The following SCN10A variants were observed in gnomAD, a reference collection of about 807,000 sequenced individuals.
SCN10A encodes sodium voltage-gated channel alpha subunit 10.
A neutral mutation model predicts 170.7 loss-of-function variants in SCN10A; 162 were observed. That is an observed-to-expected ratio of 0.95 (90% CI 0.84 to 1.08). SCN10A has a LOEUF of 1.08. Ranked by LOEUF, SCN10A falls within the 50% of genes least tolerant of loss-of-function variation. The pLI is 0.00. For missense variants in SCN10A, 2,527 were observed against 2,436.9 expected (o/e 1.04, Z -0.78); for synonymous variants, 985 against 904.6 (o/e 1.09, Z -1.59).
At chr3:38,713,687 G>C (rs2063299454) in intron 22 of SCN10A, among the ~76,000 whole-genome samples, 1 of 152,120 alleles carries the variant, frequency 6.6e-6, no homozygotes, top group Admixed American at 6.6e-5. Context: ...CTGCAGACCA[G>C]AGAAGTTTTT....
At chr3:38,706,576 C>A (rs531352324) in intron 26 of SCN10A, among the ~76,000 whole-genome samples, 1 of 152,162 alleles carries the variant, frequency 6.6e-6, no homozygotes, top group South Asian at 2.1e-4. Flanking sequence ...AAAGTGCTAT[C>A]TTAGGGCCTC....
At chr3:38,781,912 A>G (rs1352140540) in intron 4 of SCN10A, among the ~76,000 whole-genome samples, 2 of 152,120 alleles carry the variant, frequency 1.3e-5, no homozygotes, top group African/African-American at 2.4e-5. Context: ...AGATTACTAA[A>G]GAGTTTGTAT....
At chr3:38,803,242 C>T (rs1255445240) in intron 1 of SCN10A, among the ~76,000 whole-genome samples, 2 of 152,166 alleles carry the variant, frequency 1.3e-5, no homozygotes, top group Non-Finnish European at 2.9e-5. Context: ...GACAGTGTGG[C>T]AATTCCTCAA....
intron 24 of SCN10A, among the ~76,000 whole-genome samples, chr3:38,710,464 G>C (rs1353765863): frequency 6.6e-6 from 1 of 152,104 alleles, no homozygotes; most frequent in Non-Finnish European, 1.5e-5. Context: ...CCCATCCTGG[G>C]TTTTATGATA....
rs143046235 is a variant in SCN10A at position 38,799,252 on chromosome 3, G to A, written c.-32-5210C>T. On this transcript the variant is annotated intron_variant, in intron 1 of 27. Coordinates refer to ENST00000449082, the MANE Select transcript of SCN10A (RefSeq NM_006514.4). The stretch of plus-strand genomic sequence containing the variant: ...TTCCCTCTCTGGCCCCAGATCCTGA[G>A]GGCCAGACCCAGGCCTACAGAAATT... 3.1e-3 allele frequency among the ~76,000 whole-genome samples: 469 copies of A among 152,216 alleles called. 3 individuals carry two copies. The highest frequency in any genetic ancestry group is 0.011 in the African/African-American group (457 of 41,544).
At chr3:38,719,367 C>CTTTTTTT (rs555646896) in intron 20 of SCN10A, among the ~76,000 whole-genome samples, 7 of 69,128 alleles carry the variant, frequency 1.0e-4, no homozygotes, top group Non-Finnish European at 1.1e-4. Context: ...GGCTGCCACT[C>CTTTTTTT]TTTTTTTTTT....
rs141158867 is a variant in SCN10A at position 38,764,700 on chromosome 3, T to C, written c.600-1104A>G. Among the ~76,000 whole-genome samples the C allele has an allele frequency of 3.1e-3, 468 of 152,326 alleles. 2 individuals carry two copies. Among genetic ancestry groups the C allele is most frequent in the African/African-American group, 0.01 (436 of 41,580 alleles). On this transcript the variant is annotated intron_variant, in intron 5 of 27. Coordinates refer to ENST00000449082, the MANE Select transcript of SCN10A (RefSeq NM_006514.4). Reference sequence around the variant, plus strand: ...CATGCATATGCAAGTGTCTTTTTAATAATGGCTTATTTTCCTCTGGGTAGA... The same window carrying C: ...CATGCATATGCAAGTGTCTTTTTAACAATGGCTTATTTTCCTCTGGGTAGA...
intron 4 of SCN10A, among the ~76,000 whole-genome samples, chr3:38,783,655 T>C (rs1160116028): frequency 6.6e-6 from 1 of 152,118 alleles, no homozygotes; most frequent in African/African-American, 2.4e-5. Flanking sequence ...TGGGCAAATG[T>C]TCATAAACTT....
intron 24 of SCN10A, among the ~76,000 whole-genome samples, 183 bp downstream of exon 24, chr3:38,710,661 C>T (rs991733977): frequency 6.7e-6 from 1 of 150,184 alleles, no homozygotes. Context: ...AGGGGGAAAG[C>T]CTCGGTGGCT....
intron 15 of SCN10A, among the ~76,000 whole-genome samples, chr3:38,735,169 CAAAA>C (rs543574832): frequency 1.3e-5 from 1 of 76,166 alleles, no homozygotes; most frequent in African/African-American, 5.3e-5. Context: ...GACTCTGTCT[CAAAA>C]AAAAAAAAAA....
At position 38,739,618 on chromosome 3, in the gene SCN10A, T is replaced by G; in HGVS notation, c.2177A>C (p.Gln726Pro). The G allele has an allele frequency of 6.2e-7, 1 of 1,614,114 alleles. No individual in the cohort carries two copies. The highest frequency in any genetic ancestry group is 1.1e-5 in the South Asian group (1 of 91,078). The change falls in exon 15 of 28, where the codon CAG (glutamine) becomes CCG (proline). Residue 726 changes from glutamine to proline, a missense_variant. Coordinates refer to ENST00000449082, the MANE Select transcript of SCN10A (RefSeq NM_006514.4). ...IIAFDPYYYF[Q>P]KKWNIFDCII... ...GCAGTCAAAGATATTCCACTTCTTC[T>G]GGAAATAATAGTATGGGTCGAAGGC...
At chr3:38,778,665 C>A (rs1324501434) in intron 4 of SCN10A, among the ~76,000 whole-genome samples, 1 of 151,958 alleles carries the variant, frequency 6.6e-6, no homozygotes, top group Non-Finnish European at 1.5e-5. Flanking sequence ...TCACTGGCTA[C>A]AATTTAATGC....
chr3:38,801,001 A>G (rs1342248252), intron 1 of SCN10A, among the ~76,000 whole-genome samples: 5 of 152,158 alleles, frequency 3.3e-5, no homozygotes, highest in Admixed American at 1.3e-4. Context: ...GTCTTTGATT[A>G]AGACCTATGT....
At chr3:38,786,394 C>T (rs896153501) in intron 4 of SCN10A, among the ~76,000 whole-genome samples, 2 of 151,920 alleles carry the variant, frequency 1.3e-5, no homozygotes, top group South Asian at 2.1e-4. Context: ...AACCAAACAC[C>T]GCATGTTCTC....
At chr3:38,736,496 T>C (rs1171112496) in intron 15 of SCN10A, among the ~76,000 whole-genome samples, 1 of 151,708 alleles carries the variant, frequency 6.6e-6, no homozygotes, top group African/African-American at 2.4e-5. Context: ...AGTCTATTAA[T>C]TAAAACCAGG....
intron 14 of SCN10A, among the ~76,000 whole-genome samples, chr3:38,740,029 G>C (rs1336827626): frequency 1.3e-5 from 2 of 152,268 alleles, no homozygotes; most frequent in East Asian, 3.9e-4. Flanking sequence ...GTGGGTTGTG[G>C]GACATCACAG....
intron 8 of SCN10A, 109 bp from the exon 9 acceptor site, chr3:38,757,268 T>C: frequency 9.3e-7 from 1 of 1,077,212 alleles, no homozygotes; most frequent in East Asian, 2.4e-5. Flanking sequence ...CAAGACCTAG[T>C]CTTCCTCTTA....
chr3:38,735,715 T>C (rs2063553650), intron 15 of SCN10A, among the ~76,000 whole-genome samples: 1 of 152,240 alleles, frequency 6.6e-6, no homozygotes, highest in Non-Finnish European at 1.5e-5. Context: ...GATAGACCAA[T>C]GGACTAACAG....
intron 1 of SCN10A, among the ~76,000 whole-genome samples, chr3:38,813,674 A>G (rs1386474118): frequency 6.6e-6 from 1 of 152,220 alleles, no homozygotes; most frequent in East Asian, 1.9e-4. Context: ...AGTTCATAAA[A>G]CATGGCTCTA....
Sources: allele counts gnomAD v4.1 joint callset (sites outside exome capture counted in the v4.1 genomes callset), GRCh38; gene constraint gnomAD v4.1.1; transcripts MANE v1.5; gene names NCBI Gene and HGNC (gene_info 2026-07-23, HGNC 2026-07-21).